Variants in RNF149 observed in about 807,000 individuals in gnomAD.
The protein encoded by RNF149 is E3 ubiquitin-protein ligase RNF149.
A neutral mutation model predicts 39.0 loss-of-function variants in RNF149; 21 were observed. The observed-to-expected ratio is 0.54, with a 90% CI of 0.38 to 0.77. RNF149 has a LOEUF of 0.77. RNF149 is among the 30% of genes least tolerant of loss of function. The pLI is 0.00. For missense variants in RNF149, 493 were observed against 534.9 expected, an observed-to-expected ratio of 0.92 and a Z score of 0.77; for synonymous variants, 209 against 213.6, an observed-to-expected ratio of 0.98 and a Z score of 0.19.
downstream of RNF149, chr2:101,273,291 G>T (rs527776057): frequency 2.1e-6 from 1 of 487,068 alleles, no homozygotes. Flanking sequence ...CATGCCACCC[G>T]CGGTTTCCAC....
intron 5 of RNF149, among the ~76,000 whole-genome samples, chr2:101,284,311 G>C (rs980318036): frequency 3.3e-5 from 5 of 152,188 alleles, no homozygotes; most frequent in Non-Finnish European, 7.3e-5. Flanking sequence ...CAGGTGCAAT[G>C]GCTCATGCCT....
In RNF149 at chr2:101,293,962, C is replaced by T. The variant is rs147592390; in HGVS notation, c.780+52G>A. The T allele has an allele frequency of 7.8e-6, 8 of 1,024,974 alleles. No individual in the cohort carries two copies. In the East Asian group the frequency reaches 1.7e-4, roughly 22 times the overall value. The allele number at this position is 1,024,974 out of a possible 1,614,324, so 63.5% of individuals were successfully genotyped here. A position where few individuals can be genotyped will look rare whatever the true frequency, so the allele number is the denominator to read the frequency against. On this transcript the variant is annotated intron_variant, in intron 3 of 6. Transcript: ENST00000295317. ...CCTTCTTTAAAATAAACACGTACAG[C>T]ATATTCTCTACTCTAAACCACAAAA...
chr2:101,277,198 A>C lies in RNF149; in HGVS notation c.*40T>G. The stretch of plus-strand genomic sequence containing the variant: ...AAAAAATAAAATGTCCTTTAGTTCA[A>C]GCCAAACTTCTGTTGGTGCCACTTC... On this transcript the variant is annotated 3_prime_UTR_variant, in exon 7 of 7. Transcript: ENST00000295317. The C allele has an allele frequency of 2.5e-6, 4 of 1,612,032 alleles. No homozygotes were observed. The highest frequency in any genetic ancestry group is 3.4e-6 in the Non-Finnish European group (4 of 1,178,870).
At chr2:101,286,296 A>C in intron 4 of RNF149, 119 bp from the exon 5 acceptor site, 1 of 589,336 alleles carries the variant, frequency 1.7e-6, no homozygotes, top group African/African-American at 1.9e-5. Context: ...TCAAATAAAC[A>C]TTCTAGTCTA....
At chr2:101,300,931 G>A (rs1299487834) in intron 1 of RNF149, among the ~76,000 whole-genome samples, 3 of 152,142 alleles carry the variant, frequency 2.0e-5, no homozygotes, top group South Asian at 2.1e-4. Context: ...CCGATGCATC[G>A]CCGCCTCTCT....
intron 3 of RNF149, among the ~76,000 whole-genome samples, chr2:101,291,971 T>C (rs1301994319): frequency 6.6e-6 from 1 of 152,242 alleles, no homozygotes; most frequent in Non-Finnish European, 1.5e-5. Flanking sequence ...GCATTTAATG[T>C]ACCTAACCTA....
At chr2:101,289,204 T>C in intron 3 of RNF149, 149 bp from the exon 4 acceptor site, 1 of 585,002 alleles carries the variant, frequency 1.7e-6, no homozygotes, top group Non-Finnish European at 3.1e-6. Context: ...GTACTTGGTG[T>C]TTACCACTAT....
intron 6 of RNF149, among the ~76,000 whole-genome samples, chr2:101,280,133 G>A (rs936729708): frequency 3.3e-5 from 5 of 151,602 alleles, no homozygotes; most frequent in Non-Finnish European, 7.4e-5. Flanking sequence ...CTGAGATCGT[G>A]TCACTGCACT....
intron 1 of RNF149, among the ~76,000 whole-genome samples, chr2:101,299,311 C>T (rs1224077000): frequency 6.6e-6 from 1 of 152,108 alleles, no homozygotes; most frequent in Non-Finnish European, 1.5e-5. Flanking sequence ...TACTGAAACA[C>T]CAGAAGGGCA....
At chr2:101,273,229 G>A (rs74955754), downstream of RNF149, 1 of 828,180 alleles carries the variant, frequency 1.2e-6, no homozygotes, top group Non-Finnish European at 1.8e-6. Flanking sequence ...AAACAGGACA[G>A]CAGGCAGGGG....
chr2:101,307,877 C>T, intron 1 of RNF149: 1 of 985,410 alleles, frequency 1.0e-6, no homozygotes, highest in Non-Finnish European at 1.2e-6. Context: ...TGGATTTTAA[C>T]GTCTTTAGTA....
At chr2:101,274,665 G>C (rs977357646), downstream of RNF149, among the ~76,000 whole-genome samples, 6 of 152,260 alleles carry the variant, frequency 3.9e-5, no homozygotes, top group Admixed American at 3.9e-4. Context: ...GACCATGGCT[G>C]GAAGCAGGGG....
At chr2:101,278,889 G>C (rs1682453966) in intron 6 of RNF149, among the ~76,000 whole-genome samples, 1 of 152,198 alleles carries the variant, frequency 6.6e-6, no homozygotes, top group Non-Finnish European at 1.5e-5. Flanking sequence ...TAACTGGAGA[G>C]TGGAAGGTGC....
chr2:101,281,597 C>G (rs1682588336), intron 6 of RNF149: 2 of 441,646 alleles, frequency 4.5e-6, no homozygotes, highest in South Asian at 4.6e-5. Context: ...AACTCTTGGT[C>G]ACAAGCCACT....
At chr2:101,302,459 G>A (rs988687977) in intron 1 of RNF149, among the ~76,000 whole-genome samples, 3 of 152,104 alleles carry the variant, frequency 2.0e-5, no homozygotes, top group Admixed American at 6.5e-5. Flanking sequence ...CCCAACGTAA[G>A]TGCAATATTA....
chr2:101,294,690 A>T, intron 2 of RNF149: 1 of 453,202 alleles, frequency 2.2e-6, no homozygotes, highest in African/African-American at 2.0e-5. Flanking sequence ...AGGGACTAAG[A>T]GGGTTCCTGC....
At chr2:101,293,137 TA>T (rs879269387) in intron 3 of RNF149, among the ~76,000 whole-genome samples, 2,690 of 144,194 alleles carry the variant, frequency 0.019, 38 homozygotes, top group Admixed American at 0.021. Context: ...AATTCCAAAT[TA>T]AAAAAAAAAA....
chr2:101,295,892 C>T (rs190683251), intron 1 of RNF149, among the ~76,000 whole-genome samples: 1 of 152,110 alleles, frequency 6.6e-6, no homozygotes, highest in East Asian at 1.9e-4. Context: ...GTAGTTCACA[C>T]CTGTAATCCC....
downstream of RNF149, chr2:101,273,152 CCT>C (rs1165349538): frequency 5.3e-6 from 7 of 1,321,352 alleles, no homozygotes; most frequent in African/African-American, 3.0e-5. Context: ...TGTTTTTACA[CCT>C]CTCTGGCCCT....
Sources: allele counts gnomAD v4.1 joint callset (sites outside exome capture counted in the v4.1 genomes callset), GRCh38; gene constraint gnomAD v4.1.1; transcripts MANE v1.5; gene names NCBI Gene and HGNC (gene_info 2026-07-23, HGNC 2026-07-21).